RFTN1: variants seen among roughly 807,000 people sequenced by gnomAD.
The protein encoded by RFTN1 is raftlin, lipid raft linker 1.
RFTN1 carries 26 observed loss-of-function variants against 46.5 expected under a neutral mutation model. That is an observed-to-expected ratio of 0.56 (90% CI 0.41 to 0.78). The LOEUF is 0.78. RFTN1 is among the 30% of genes least tolerant of loss of function. The pLI, the probability that RFTN1 is intolerant of heterozygous loss-of-function variation, is 0.00. For synonymous variants in RFTN1, 261 were observed against 284.2 expected, an observed-to-expected ratio of 0.92 and a Z score of 0.82; for missense variants, 693 against 718.7, an observed-to-expected ratio of 0.96 and a Z score of 0.41.
chr3:16,342,185 T>C lies in RFTN1; in HGVS notation c.1147-15309A>G, dbSNP rs1240109670. On this transcript the variant is annotated intron_variant, in intron 7 of 9. Coordinates refer to ENST00000334133, the MANE Select transcript of RFTN1 (RefSeq NM_015150.2). The surrounding 1 kb of genome is among the most constrained non-coding windows in gnomAD (Gnocchi z 4.0). ...CCCCACACCAATACCCTGTACCTAT[T>C]AGCAGTCACTCCCCTTTCCCCCCAC... Among the ~76,000 whole-genome samples, 3 of 152,104 alleles carry C rather than the reference T, an allele frequency of 2.0e-5. No homozygotes were observed. Among genetic ancestry groups the C allele is most frequent in the East Asian group, 1.9e-4 (1 of 5,190 alleles).
At chr3:16,377,476 G>A (rs1417187537) in intron 5 of RFTN1, among the ~76,000 whole-genome samples, 2 of 152,170 alleles carry the variant, frequency 1.3e-5, no homozygotes, top group Admixed American at 6.5e-5. Flanking sequence ...CTTCAAACGT[G>A]ACATTTTGGA....
chr3:16,495,026 G>C (rs938780885), intron 1 of RFTN1, among the ~76,000 whole-genome samples: 1 of 152,138 alleles, frequency 6.6e-6, no homozygotes, highest in Non-Finnish European at 1.5e-5. Context: ...GGCATGGGGC[G>C]GGTGGAGTGG....
intron 1 of RFTN1, among the ~76,000 whole-genome samples, chr3:16,494,316 CGTT>C (rs1423717785): frequency 3.9e-5 from 6 of 152,124 alleles, no homozygotes; most frequent in Non-Finnish European, 8.8e-5. Context: ...CAGAATAAGT[CGTT>C]GTTACAGTTT....
At chr3:16,330,036 TCAG>T (rs1303877406) in intron 7 of RFTN1, among the ~76,000 whole-genome samples, 7 of 152,224 alleles carry the variant, frequency 4.6e-5, no homozygotes, top group African/African-American at 1.4e-4. Flanking sequence ...AAAGAAAAAA[TCAG>T]CAGGATTTCT....
intron 7 of RFTN1, among the ~76,000 whole-genome samples, chr3:16,357,133 AAAAC>A (rs57233150): frequency 0.56 from 78,187 of 138,994 alleles, 21,773 homozygotes; most frequent in Non-Finnish European, 0.61. Context: ...AAAAAACAAA[AAAAC>A]AAACAAACAA....
In RFTN1 at chr3:16,418,608, A is replaced by G. The variant is rs1355588283; in HGVS notation, c.333-9125T>C. Among the ~76,000 whole-genome samples, 1 of 152,238 alleles carries G rather than the reference A, an allele frequency of 6.6e-6. No homozygotes were observed. The highest frequency in any genetic ancestry group is 2.4e-5 in the African/African-American group (1 of 41,454). ...AACAAATTCTCTATCTCTGGGAAAC[A>G]GGAAGGAATTTTAAGATTTTTGTTT... On this transcript the variant is annotated intron_variant, in intron 3 of 9. Transcript: ENST00000334133. The surrounding 1 kb of genome is among the most constrained non-coding windows in gnomAD (Gnocchi z 5.0).
At chr3:16,408,686 T>A (rs1483846046) in intron 4 of RFTN1, among the ~76,000 whole-genome samples, 1 of 147,446 alleles carries the variant, frequency 6.8e-6, no homozygotes, top group African/African-American at 2.5e-5. Flanking sequence ...AGCTGACAGC[T>A]GACAATAATT....
chr3:16,511,297 A>G (rs2125018816), intron 1 of RFTN1, among the ~76,000 whole-genome samples: 1 of 152,350 alleles, frequency 6.6e-6, no homozygotes, highest in South Asian at 2.1e-4. Flanking sequence ...TCTTAAGGAA[A>G]CCATAAGCAC....
At position 16,387,923 on chromosome 3, in the gene RFTN1, GC is replaced by G. The variant is rs748076292; in HGVS notation, c.442-9822del. Reference sequence around the variant, plus strand: ...TCCTTGGCCTCACCACCACCTTTCTGCTGGTTTTCTTCCTGCATGCTGGCCT... The same window carrying G: ...TCCTTGGCCTCACCACCACCTTTCTGTGGTTTTCTTCCTGCATGCTGGCCT... On this transcript the variant is annotated intron_variant, in intron 4 of 9. Coordinates refer to ENST00000334133, the MANE Select transcript of RFTN1 (RefSeq NM_015150.2). The surrounding 1 kb of genome is among the most constrained non-coding windows in gnomAD (Gnocchi z 5.2). Among the ~76,000 whole-genome samples, 49 of 152,088 alleles carry G rather than the reference GC, an allele frequency of 3.2e-4. No individual in the cohort carries two copies. Among genetic ancestry groups the G allele is most frequent in the Non-Finnish European group, 5.6e-4 (38 of 68,032 alleles).
At position 16,336,388 on chromosome 3, in the gene RFTN1, G is replaced by A. The variant is rs78695850; in HGVS notation, c.1147-9512C>T. ...CCCATGGAGGTGAGGTGGAGGGAGG[G>A]AGAAGGGAAGGGGCGACCTGCTGCT... On this transcript the variant is annotated intron_variant, in intron 7 of 9. Transcript: ENST00000334133. This position sits in a 1 kb window ranked among gnomAD's most constrained non-coding sequence, Gnocchi z 6.0. 2.9e-3 allele frequency among the ~76,000 whole-genome samples: 446 copies of A among 152,310 alleles called. 1 individual carries two copies. Among genetic ancestry groups the A allele is most frequent in the African/African-American group, 0.01 (425 of 41,572 alleles).
rs989756573 is a variant in RFTN1 at position 16,342,340 on chromosome 3, A to G, written c.1147-15464T>C. 2.0e-5 allele frequency among the ~76,000 whole-genome samples: 3 copies of G among 152,240 alleles called. No individual in the cohort carries two copies. The highest frequency in any genetic ancestry group is 6.5e-5 in the Admixed American group (1 of 15,286). On this transcript the variant is annotated intron_variant, in intron 7 of 9. Coordinates refer to ENST00000334133, the MANE Select transcript of RFTN1 (RefSeq NM_015150.2). The surrounding 1 kb of genome is among the most constrained non-coding windows in gnomAD (Gnocchi z 4.0). ...CTTCTTTCACTTTAGCATATGTTCA[A>G]GGTTCATACATGTAGCATATATCAG...
chr3:16,365,554 A>G (rs111493530), intron 6 of RFTN1, among the ~76,000 whole-genome samples: 3 of 138,168 alleles, frequency 2.2e-5, no homozygotes, highest in African/African-American at 8.1e-5. Flanking sequence ...ATAAATACCC[A>G]TACAAAGTGA....
At chr3:16,343,460 T>C (rs76263880) in intron 7 of RFTN1, among the ~76,000 whole-genome samples, 4,589 of 152,302 alleles carry the variant, frequency 0.03, 101 homozygotes, top group Middle Eastern at 0.082. Flanking sequence ...TCCTCCAAGA[T>C]AAACATGTCC....
rs537976175 is a variant in RFTN1, at chr3:16,343,882, C to A, written c.1146+14050G>T. On this transcript the variant is annotated intron_variant, in intron 7 of 9. Coordinates refer to ENST00000334133, the MANE Select transcript of RFTN1 (RefSeq NM_015150.2). ...TTTCAAAAGGAGGGGAGAGCAAAGC[C>A]AGCTGATAGTCTTATAGATGGCCCC... Among the ~76,000 whole-genome samples, 8 of 152,302 alleles carry A rather than the reference C, an allele frequency of 5.3e-5. No homozygotes were observed. In the South Asian group the frequency reaches 1.7e-3, roughly 32 times the overall value.
chr3:16,431,214 C>A (rs1341798578), intron 3 of RFTN1, among the ~76,000 whole-genome samples: 1 of 152,228 alleles, frequency 6.6e-6, no homozygotes. Flanking sequence ...TGTGTTCTTT[C>A]TTACCTAGCC....
At position 16,374,403 on chromosome 3, in the gene RFTN1, A is replaced by AG. The variant is rs1228943887; in HGVS notation, c.826+3314dup. On this transcript the variant is annotated intron_variant, in intron 5 of 9. Transcript: ENST00000334133. This position sits in a 1 kb window ranked among gnomAD's most constrained non-coding sequence, Gnocchi z 5.4. Reference sequence around the variant, plus strand: ...GATGGCGGCAGGTGGCAGATCTGGGAGGGGGCCGCATCATGGGGTCCAACT... The same window carrying AG: ...GATGGCGGCAGGTGGCAGATCTGGGAGGGGGGCCGCATCATGGGGTCCAACT... Among the ~76,000 whole-genome samples, 2 of 152,058 alleles carry AG rather than the reference A, an allele frequency of 1.3e-5. No homozygotes were observed.
intron 6 of RFTN1, among the ~76,000 whole-genome samples, chr3:16,366,181 G>A (rs1177183285): frequency 6.6e-6 from 1 of 151,764 alleles, no homozygotes; most frequent in African/African-American, 2.4e-5. Context: ...GGCAGCGGCA[G>A]CAGCCTCAGT....
At chr3:16,419,976 T>C (rs1222624603) in intron 3 of RFTN1, among the ~76,000 whole-genome samples, 2 of 152,204 alleles carry the variant, frequency 1.3e-5, no homozygotes, top group African/African-American at 4.8e-5. Context: ...GAGCTGTGCA[T>C]GCCTACTGGG....
In RFTN1 at chr3:16,345,817, T is replaced by TGC. The variant is rs1553726165; in HGVS notation, c.1146+12113_1146+12114dup. ...GTGTGTGTGTGTGTGTGTGTGTGTG[T>TGC]GCGCGCGCGCGTGCGCGCACGCGCA... On this transcript the variant is annotated intron_variant, in intron 7 of 9. Transcript: ENST00000334133. This position sits in a 1 kb window ranked among gnomAD's most constrained non-coding sequence, Gnocchi z 5.2. 9.6e-3 allele frequency among the ~76,000 whole-genome samples: 713 copies of TGC among 74,600 alleles called. 8 individuals are homozygous for TGC. Among genetic ancestry groups the TGC allele is most frequent in the African/African-American group, 0.022 (394 of 18,172 alleles). 48.9% of individuals were successfully genotyped at this position (74,600 alleles called of 152,430 possible). A position where few individuals can be genotyped will look rare whatever the true frequency, so the allele number is the denominator to read the frequency against.
Sources: gnomAD v4.1 joint callset for allele counts (sites outside exome capture counted in the v4.1 genomes callset) on GRCh38, gnomAD v4.1.1 for gene constraint, Gnocchi (gnomAD v3.1) non-coding constraint, MANE v1.5 for transcripts, NCBI Gene and HGNC (gene_info 2026-07-23, HGNC 2026-07-21) for gene names.